The following ITGB8 variants were observed in gnomAD, a reference collection of about 807,000 sequenced individuals.
The protein encoded by ITGB8 is integrin beta-8.
In ITGB8, 30 loss-of-function variants were observed where a neutral mutation model predicts 89.5. The ratio of observed to expected loss-of-function variants is 0.34; its 90% CI spans 0.25 to 0.45. The LOEUF is 0.45. Among genes scored for constraint, ITGB8 ranks in the 20% least tolerant of loss-of-function variants. The pLI is 1.00. For missense variants in ITGB8, 836 were observed against 933.3 expected (o/e 0.90, Z 1.36); for synonymous variants, 335 against 320.4 (o/e 1.05, Z -0.49).
chr7:20,344,627 G>A (rs1008439757), intron 1 of ITGB8, among the ~76,000 whole-genome samples: 10 of 152,218 alleles, frequency 6.6e-5, no homozygotes, highest in Non-Finnish European at 1.2e-4. Flanking sequence ...TGCTTTGTGT[G>A]TGTGCAGGGA....
chr7:20,348,079 G>A (rs764051261), intron 1 of ITGB8, among the ~76,000 whole-genome samples: 1 of 152,156 alleles, frequency 6.6e-6, no homozygotes, highest in East Asian at 1.9e-4. Flanking sequence ...AGACAATTTT[G>A]ACTTGAAAAG....
intron 1 of ITGB8, among the ~76,000 whole-genome samples, chr7:20,355,886 T>C (rs1785275673): frequency 6.6e-6 from 1 of 152,234 alleles, no homozygotes; most frequent in South Asian, 2.1e-4. Flanking sequence ...TAAATAAGCA[T>C]TGGTGGTACT....
chr7:20,366,358 A>C (rs188340906), intron 2 of ITGB8: 1 of 152,244 alleles, frequency 6.6e-6, no homozygotes, highest in East Asian at 1.9e-4. Context: ...ACTTCTGTGC[A>C]AATTGCTATG....
chr7:20,401,780 T>C lies in ITGB8; in HGVS notation c.1341T>C (p.Tyr447=), dbSNP rs148152157. The C allele has an allele frequency of 1.6e-5, 25 of 1,600,874 alleles. No homozygotes were observed. The highest frequency in any genetic ancestry group is 4.1e-5 in the African/African-American group (3 of 73,988). ...GTGATGTCACAGGAGGAAAAAACTA[T>C]GCAATAATCAAACCTATTGGTTTTA... The part of the protein sequence containing the change: ...KKCDVTGGKN[Y]AIIKPIGFNE... The change falls in exon 10 of 14, where the codon TAT becomes TAC. Residue 447 remains tyrosine, a synonymous_variant. Transcript: ENST00000222573.
At chr7:20,368,173 T>C (rs979066120) in intron 3 of ITGB8, among the ~76,000 whole-genome samples, 1 of 152,216 alleles carries the variant, frequency 6.6e-6, no homozygotes, top group African/African-American at 2.4e-5. Flanking sequence ...AAAACTGTGC[T>C]CTTTCCCATA....
At chr7:20,347,096 A>G (rs1784951493) in intron 1 of ITGB8, among the ~76,000 whole-genome samples, 2 of 152,212 alleles carry the variant, frequency 1.3e-5, no homozygotes, top group African/African-American at 2.4e-5. Context: ...GGTGCCACCT[A>G]TGAGGAAGGC....
chr7:20,349,880 A>G (rs1425535950), intron 1 of ITGB8, among the ~76,000 whole-genome samples: 2 of 152,214 alleles, frequency 1.3e-5, no homozygotes, highest in Non-Finnish European at 2.9e-5. Context: ...GATATAATGT[A>G]CATCAATAAA....
intron 1 of ITGB8, among the ~76,000 whole-genome samples, chr7:20,360,854 A>G (rs1785472243): frequency 6.8e-6 from 1 of 146,108 alleles, no homozygotes; most frequent in South Asian, 2.2e-4. Flanking sequence ...TTTTCCTTTG[A>G]GTAGATACCC....
chr7:20,363,079 G>A (rs1021827623), intron 1 of ITGB8, among the ~76,000 whole-genome samples: 1 of 152,024 alleles, frequency 6.6e-6, no homozygotes, highest in Non-Finnish European at 1.5e-5. Flanking sequence ...GTCTGGTTCT[G>A]GTATTCCTCA....
chr7:20,346,189 G>T (rs145947030), intron 1 of ITGB8, among the ~76,000 whole-genome samples: 132 of 152,278 alleles, frequency 8.7e-4, no homozygotes, highest in African/African-American at 3.0e-3. Context: ...TTAGGATTCT[G>T]GGAGAAACAT....
rs145696744 is a variant in ITGB8, at chr7:20,367,428, C to G, written c.388+242C>G. ...ATGTGTTCTGTTCACATAATCTGAT[C>G]AGGTTGTGATGTAATTGTGTTTTTC... On this transcript the variant is annotated intron_variant, in intron 3 of 13. Coordinates refer to ENST00000222573, the MANE Select transcript of ITGB8 (RefSeq NM_002214.3). 2.0e-5 allele frequency among the ~76,000 whole-genome samples: 3 copies of G among 152,136 alleles called. No homozygotes were observed. In the East Asian group the frequency reaches 5.8e-4, roughly 29 times the overall value.
intron 12 of ITGB8, among the ~76,000 whole-genome samples, 164 bp downstream of exon 12, chr7:20,406,335 G>A (rs1329062195): frequency 6.6e-6 from 1 of 152,184 alleles, no homozygotes; most frequent in Non-Finnish European, 1.5e-5. Context: ...TGGATCACCT[G>A]AGGTCAGGAG....
At chr7:20,358,058 C>T (rs1172958321) in intron 1 of ITGB8, among the ~76,000 whole-genome samples, 34 of 152,192 alleles carry the variant, frequency 2.2e-4, no homozygotes, top group African/African-American at 7.7e-4. Flanking sequence ...CTCCGCCTCC[C>T]GAGTTCAAGC....
intron 1 of ITGB8, among the ~76,000 whole-genome samples, chr7:20,333,644 C>T (rs1318478739): frequency 6.6e-6 from 1 of 152,114 alleles, no homozygotes; most frequent in Non-Finnish European, 1.5e-5. Context: ...TGCATTTCTA[C>T]CCAGTGTCTA....
intron 6 of ITGB8, among the ~76,000 whole-genome samples, chr7:20,382,505 A>C (rs567018536): frequency 6.6e-6 from 1 of 152,316 alleles, no homozygotes; most frequent in East Asian, 1.9e-4. Flanking sequence ...ATCTAATTCT[A>C]GTTGTGAAGA....
chr7:20,348,590 T>G (rs1785006139), intron 1 of ITGB8, among the ~76,000 whole-genome samples: 1 of 152,228 alleles, frequency 6.6e-6, no homozygotes. Context: ...GCCCCAGAGA[T>G]TCCTAATGGC....
chr7:20,357,814 C>A (rs1361998620), intron 1 of ITGB8, among the ~76,000 whole-genome samples: 1 of 152,084 alleles, frequency 6.6e-6, no homozygotes, highest in African/African-American at 2.4e-5. Flanking sequence ...AGTTGTAAGA[C>A]AATGAGAAAA....
In ITGB8 at chr7:20,379,233, T is replaced by C. The variant is rs563245593; in HGVS notation, c.571T>C (p.Tyr191His). The change falls in exon 4 of 14, where the codon TAC becomes CAC. Residue 191 changes from tyrosine (Y) to histidine (H), a missense_variant. Around this residue, in one of 5 missense-constraint regions of ITGB8, gnomAD observed 2 missense variants for 20.1 expected, o/e 0.10. Transcript: ENST00000222573. ...TGACTTTCGTCTTGGATTTGGCTCA[T>C]ACGTTGATAAAACAGTTTCACCATA... ...SRDFRLGFGS[Y>H]VDKTVSPYIS... 1 of 1,611,456 alleles carries C rather than the reference T, an allele frequency of 6.2e-7. No homozygotes were observed. The highest frequency in any genetic ancestry group is 2.2e-5 in the East Asian group (1 of 44,744).
In ITGB8 at chr7:20,331,565, C is replaced by T. The variant is rs1299130309; in HGVS notation, c.-242C>T. On this transcript the variant is annotated 5_prime_UTR_variant, in exon 1 of 14. Coordinates refer to ENST00000222573, the MANE Select transcript of ITGB8 (RefSeq NM_002214.3). ...CCCTTGGCCGTCGAAGGAGGTGCTT[C>T]TCGCGGAGACCGCGGGACCCGCCGT... is the stretch of plus-strand genomic sequence containing the variant. 6.6e-6 allele frequency: 3 copies of T among 456,580 alleles called. No individual in the cohort carries two copies. The highest frequency in any genetic ancestry group is 6.1e-5 in the African/African-American group (3 of 48,982). The allele number at this position is 456,580 out of a possible 1,614,324, so 28.3% of individuals were successfully genotyped here. A position where few individuals can be genotyped will look rare whatever the true frequency, so the allele number is the denominator to read the frequency against.
Sources: gnomAD v4.1 joint callset for allele counts (sites outside exome capture counted in the v4.1 genomes callset) on GRCh38, gnomAD v4.1.1 for gene constraint, gnomAD v4.1.1 regional missense constraint, MANE v1.5 for transcripts, NCBI Gene and HGNC (gene_info 2026-07-23, HGNC 2026-07-21) for gene names.